The following FSTL5 variants were observed in gnomAD, a reference collection of about 807,000 sequenced individuals.
The protein encoded by FSTL5 is follistatin-related protein 5.
A neutral mutation model predicts 89.1 loss-of-function variants in FSTL5; 62 were observed. The observed-to-expected ratio is 0.70, with a 90% CI of 0.57 to 0.86. The LOEUF (loss-of-function observed/expected upper bound fraction) is 0.86. Among genes scored for constraint, FSTL5 ranks in the 40% least tolerant of loss-of-function variants. FSTL5 has a pLI of 0.00. For synonymous variants in FSTL5, 383 were observed against 346.2 expected (o/e 1.11, Z -1.18); for missense variants, 1,057 against 1,001.6 (o/e 1.06, Z -0.75).
chr4:161,573,862 G>A (rs1269103429), intron 8 of FSTL5, among the ~76,000 whole-genome samples: 1 of 151,960 alleles, frequency 6.6e-6, no homozygotes, highest in Non-Finnish European at 1.5e-5. Context: ...GTGGCTTAAG[G>A]CAACACAAAC....
intron 15 of FSTL5, among the ~76,000 whole-genome samples, chr4:161,400,127 T>C (rs965967576): frequency 6.6e-6 from 1 of 152,110 alleles, no homozygotes; most frequent in African/African-American, 2.4e-5. Context: ...TTTCAAATTG[T>C]CCAAATCTCC....
intron 7 of FSTL5, among the ~76,000 whole-genome samples, chr4:161,599,909 T>G: frequency 6.6e-6 from 1 of 151,952 alleles, no homozygotes; most frequent in East Asian, 1.9e-4. Flanking sequence ...AAAATAAAAA[T>G]AAAATTCAAG....
intron 4 of FSTL5, among the ~76,000 whole-genome samples, chr4:161,908,646 C>T (rs1266759879): frequency 6.6e-6 from 1 of 151,958 alleles, no homozygotes; most frequent in Non-Finnish European, 1.5e-5. Context: ...TGATTGGAAG[C>T]CTGATGGATT....
chr4:161,426,563 A>T (rs921161206), intron 15 of FSTL5, among the ~76,000 whole-genome samples: 7 of 152,260 alleles, frequency 4.6e-5, no homozygotes, highest in Admixed American at 2.0e-4. Context: ...TCCTCCTCTC[A>T]AAGCTCGAGG....
At chr4:161,638,211 A>G (rs1174545747) in intron 7 of FSTL5, among the ~76,000 whole-genome samples, 1 of 151,464 alleles carries the variant, frequency 6.6e-6, no homozygotes, top group Admixed American at 6.6e-5. Context: ...TAGGTATTTT[A>G]TTCTCTTTGA....
chr4:161,559,339 T>C (rs7671811), intron 8 of FSTL5, among the ~76,000 whole-genome samples: 151,347 of 151,924 alleles, frequency 1, 75,389 homozygotes, highest in Middle Eastern at 1. Flanking sequence ...ATCCTCCTCC[T>C]TGTTCTTTCT....
rs374643529 is a variant in FSTL5, at chr4:161,534,420, T to C, written c.1312+3746A>G. On this transcript the variant is annotated intron_variant, in intron 10 of 15. Transcript: ENST00000306100. ...AATATACAAAAACTAGCAACATTTCTATATACCAATTCCATTGTAGTTGAG... is the reference window on the plus strand; with the variant it reads ...AATATACAAAAACTAGCAACATTTCCATATACCAATTCCATTGTAGTTGAG... Among the ~76,000 whole-genome samples, 61 of 152,256 alleles carry C rather than the reference T, an allele frequency of 4.0e-4. 1 individual carries two copies. In the South Asian group the frequency reaches 0.011, roughly 27 times the overall value.
intron 3 of FSTL5, among the ~76,000 whole-genome samples, chr4:161,997,745 A>T (rs1193180050): frequency 6.6e-6 from 1 of 151,524 alleles, no homozygotes; most frequent in African/African-American, 2.4e-5. Context: ...GCTGGGACTA[A>T]AGGCGCCCGC....
intron 1 of FSTL5, among the ~76,000 whole-genome samples, chr4:162,133,797 A>G (rs1463858945): frequency 4.6e-5 from 7 of 152,244 alleles, no homozygotes; most frequent in Non-Finnish European, 1.0e-4. Context: ...GCAGCTTTAT[A>G]ATGATAAAGG....
intron 4 of FSTL5, among the ~76,000 whole-genome samples, chr4:161,897,756 T>C (rs185692664): frequency 1.6e-4 from 25 of 151,968 alleles, no homozygotes; most frequent in African/African-American, 5.8e-4. Flanking sequence ...TATGTTAAGG[T>C]CCATTCTTTG....
At chr4:162,134,853 G>A (rs1732465588) in intron 1 of FSTL5, among the ~76,000 whole-genome samples, 1 of 152,178 alleles carries the variant, frequency 6.6e-6, no homozygotes, top group African/African-American at 2.4e-5. Context: ...AGTCAGCCAG[G>A]CAGTCCTTTT....
intron 3 of FSTL5, among the ~76,000 whole-genome samples, chr4:161,955,461 G>T (rs577718476): frequency 1.3e-5 from 2 of 151,762 alleles, no homozygotes; most frequent in South Asian, 2.1e-4. Flanking sequence ...AAATAAGAAT[G>T]TTTGAGAAAT....
chr4:162,109,537 G>A (rs1408498645), intron 2 of FSTL5, among the ~76,000 whole-genome samples: 1 of 152,004 alleles, frequency 6.6e-6, no homozygotes, highest in East Asian at 1.9e-4. Context: ...ATGATTTTTG[G>A]TAGGTATTAG....
chr4:161,839,617 T>C (rs1731150654), intron 4 of FSTL5, among the ~76,000 whole-genome samples: 1 of 152,106 alleles, frequency 6.6e-6, no homozygotes, highest in Admixed American at 6.5e-5. Context: ...ATGTATATAC[T>C]GTTGGTTCAA....
At chr4:162,008,185 T>C (rs1171799075) in intron 3 of FSTL5, among the ~76,000 whole-genome samples, 1 of 151,870 alleles carries the variant, frequency 6.6e-6, no homozygotes, top group Non-Finnish European at 1.5e-5. Context: ...ATTAATGTAA[T>C]GACCATTAAT....
chr4:161,451,560 T>C (rs1193406925), intron 15 of FSTL5, among the ~76,000 whole-genome samples: 1 of 152,212 alleles, frequency 6.6e-6, no homozygotes, highest in Non-Finnish European at 1.5e-5. Flanking sequence ...TCAAACATTA[T>C]TTTATTCCAG....
chr4:161,673,032 G>A (rs1424566252), intron 6 of FSTL5, among the ~76,000 whole-genome samples: 2 of 151,938 alleles, frequency 1.3e-5, no homozygotes, highest in South Asian at 2.1e-4. Context: ...AAATGCCTGA[G>A]AACTCAGGTT....
chr4:161,401,833 T>C (rs762684623), intron 15 of FSTL5, among the ~76,000 whole-genome samples: 2 of 152,112 alleles, frequency 1.3e-5, no homozygotes, highest in Non-Finnish European at 2.9e-5. Context: ...AGCCTATACC[T>C]AGATTGTTTA....
chr4:161,513,870 A>T (rs1730732239), intron 10 of FSTL5, among the ~76,000 whole-genome samples: 1 of 152,166 alleles, frequency 6.6e-6, no homozygotes, highest in South Asian at 2.1e-4. Flanking sequence ...ATCAAGAAAA[A>T]TAACTAATGG....
Sources: gnomAD v4.1 joint callset for allele counts (sites outside exome capture counted in the v4.1 genomes callset) on GRCh38, gnomAD v4.1.1 for gene constraint, MANE v1.5 for transcripts, NCBI Gene and HGNC (gene_info 2026-07-23, HGNC 2026-07-21) for gene names.